The following NUBPL variants were observed in gnomAD, a reference collection of about 807,000 sequenced individuals.
The protein encoded by NUBPL is iron-sulfur cluster transfer protein NUBPL.
NUBPL carries 31 observed loss-of-function variants against 45.7 expected under a neutral mutation model. The observed-to-expected ratio is 0.68, with a 90% confidence interval of 0.51 to 0.92. The LOEUF (loss-of-function observed/expected upper bound fraction) is 0.92, where lower values mean the gene tolerates loss of function less well. Ranked by LOEUF, NUBPL falls within the 40% of genes least tolerant of loss-of-function variation. The pLI is 0.00. For missense variants in NUBPL, 401 were observed against 398.7 expected, an observed-to-expected ratio of 1.01 and a Z score of -0.05; for synonymous variants, 144 against 140.9, an observed-to-expected ratio of 1.02 and a Z score of -0.15.
intron 6 of NUBPL, among the ~76,000 whole-genome samples, chr14:31,701,218 T>C (rs1195856654): frequency 1.3e-5 from 2 of 151,846 alleles, no homozygotes; most frequent in Admixed American, 1.3e-4. Flanking sequence ...AGCTGAAGGT[T>C]TGTAAATGCA....
intron 6 of NUBPL, among the ~76,000 whole-genome samples, chr14:31,761,410 C>A (rs1157770338): frequency 1.3e-5 from 2 of 152,050 alleles, no homozygotes; most frequent in Non-Finnish European, 2.9e-5. Flanking sequence ...AAATATATAT[C>A]CTGTATAGAC....
intron 4 of NUBPL, among the ~76,000 whole-genome samples, chr14:31,627,080 G>A (rs2139650838): frequency 6.6e-6 from 1 of 152,276 alleles, no homozygotes; most frequent in Non-Finnish European, 1.5e-5. Flanking sequence ...TATGAACAAA[G>A]TACTTTAAAC....
At position 31,749,260 on chromosome 14, in the gene NUBPL, G is replaced by A. The variant is rs8005249; in HGVS notation, c.514-38520G>A. Among the ~76,000 whole-genome samples, 990 of 152,146 alleles carry A rather than the reference G, an allele frequency of 6.5e-3. 11 individuals are homozygous for A. The highest frequency in any genetic ancestry group is 0.022 in the African/African-American group (927 of 41,498). Reference sequence around the variant, plus strand: ...GTTGATGTCTGTAGTGATAAGGTTTGATTTCTCTCTTTTTCAGCTGTGTAT... The same window carrying A: ...GTTGATGTCTGTAGTGATAAGGTTTAATTTCTCTCTTTTTCAGCTGTGTAT... On this transcript the variant is annotated intron_variant, in intron 6 of 10. Coordinates refer to ENST00000281081, the MANE Select transcript of NUBPL (RefSeq NM_025152.3).
intron 6 of NUBPL, among the ~76,000 whole-genome samples, chr14:31,693,842 A>ATTT (rs774276607): frequency 8.2e-6 from 1 of 122,344 alleles, no homozygotes; most frequent in Non-Finnish European, 1.6e-5. Flanking sequence ...CATGAGGTAG[A>ATTT]TTTTCTTTTC....
intron 6 of NUBPL, among the ~76,000 whole-genome samples, chr14:31,674,405 A>G (rs924614522): frequency 2.0e-5 from 3 of 152,122 alleles, no homozygotes; most frequent in African/African-American, 7.2e-5. Context: ...TTTCACTATA[A>G]CATCTTGCCT....
intron 4 of NUBPL, among the ~76,000 whole-genome samples, chr14:31,622,458 T>C (rs912478527): frequency 2.0e-5 from 3 of 151,852 alleles, no homozygotes; most frequent in Admixed American, 2.0e-4. Flanking sequence ...GGGGAGAATT[T>C]CTCCAGAGAA....
intron 4 of NUBPL, among the ~76,000 whole-genome samples, chr14:31,601,728 G>C (rs2034439314): frequency 6.6e-6 from 1 of 152,146 alleles, no homozygotes; most frequent in Admixed American, 6.5e-5. Flanking sequence ...TCATTAAAAA[G>C]TCAGGAAACA....
intron 7 of NUBPL, among the ~76,000 whole-genome samples, chr14:31,809,449 G>A (rs1018119742): frequency 3.9e-5 from 6 of 152,132 alleles, no homozygotes; most frequent in Non-Finnish European, 5.9e-5. Flanking sequence ...ATTTCTATGG[G>A]ATTGGTGGTG....
intron 7 of NUBPL, among the ~76,000 whole-genome samples, chr14:31,820,786 TG>T (rs34679492): frequency 0.53 from 76,961 of 146,334 alleles, 21,768 homozygotes; most frequent in African/African-American, 0.77. Context: ...ATCGTGCCAT[TG>T]GCACTCCAGC....
chr14:31,630,942 T>G (rs2035325162), intron 4 of NUBPL, among the ~76,000 whole-genome samples: 1 of 152,136 alleles, frequency 6.6e-6, no homozygotes, highest in Admixed American at 6.6e-5. Context: ...GGGAGTTCTC[T>G]CTCTATGTCT....
At chr14:31,833,648 G>A (rs1356965960) in intron 8 of NUBPL, among the ~76,000 whole-genome samples, 1 of 152,188 alleles carries the variant, frequency 6.6e-6, no homozygotes, top group East Asian at 1.9e-4. Context: ...GAACAGGTGA[G>A]CAGAGTAGCC....
chr14:31,585,182 A>G (rs1452237559), intron 3 of NUBPL, among the ~76,000 whole-genome samples: 2 of 152,178 alleles, frequency 1.3e-5, no homozygotes, highest in African/African-American at 4.8e-5. Context: ...CATTGGAAGA[A>G]GAATTGTCTT....
intron 6 of NUBPL, among the ~76,000 whole-genome samples, chr14:31,755,468 A>G (rs531807956): frequency 2.3e-4 from 35 of 152,100 alleles, no homozygotes; most frequent in African/African-American, 8.0e-4. Context: ...GCATTTTTTC[A>G]TGTGTTTTTT....
intron 3 of NUBPL, among the ~76,000 whole-genome samples, chr14:31,570,245 T>C (rs1376156857): frequency 6.6e-6 from 1 of 152,196 alleles, no homozygotes; most frequent in Non-Finnish European, 1.5e-5. Flanking sequence ...ATTTTTTTGG[T>C]ATATAGTTGA....
At chr14:31,822,753 G>A (rs1260324938) in intron 7 of NUBPL, among the ~76,000 whole-genome samples, 2 of 152,080 alleles carry the variant, frequency 1.3e-5, no homozygotes, top group African/African-American at 4.8e-5. Flanking sequence ...TCCATGAAAT[G>A]TTTACATGCT....
At chr14:31,756,454 T>G (rs1050342224) in intron 6 of NUBPL, among the ~76,000 whole-genome samples, 1 of 152,088 alleles carries the variant, frequency 6.6e-6, no homozygotes, top group African/African-American at 2.4e-5. Context: ...TTTATTCTGT[T>G]TGAAGCAATT....
rs534040183 is a variant in NUBPL at position 31,856,665 on chromosome 14, C to T, written c.898-2453C>T. ...GCTGTTCTAAATGGGAGAAATTGGC[C>T]AAAACAAAGGGGCTACAGGCCCCAT... is the stretch of plus-strand genomic sequence containing the variant. On this transcript the variant is annotated intron_variant, in intron 10 of 10. Coordinates refer to ENST00000281081, the MANE Select transcript of NUBPL (RefSeq NM_025152.3). 2.7e-4 allele frequency among the ~76,000 whole-genome samples: 41 copies of T among 152,194 alleles called. No homozygotes were observed. In the South Asian group the frequency reaches 3.5e-3, roughly 13 times the overall value.
rs1265767313 is a variant in NUBPL at position 31,860,335 on chromosome 14, G to C, written c.*1155G>C. ...AAAAAAAAAAAAAAAAAAGTCGGGG[G>C]AGATGCAATATTTAGCATTTCCTCA... is the stretch of plus-strand genomic sequence containing the variant. On this transcript the variant is annotated 3_prime_UTR_variant, in exon 11 of 11. Coordinates refer to ENST00000281081, the MANE Select transcript of NUBPL (RefSeq NM_025152.3). 2.0e-5 allele frequency: 3 copies of C among 150,016 alleles called. No homozygotes were observed. The highest frequency in any genetic ancestry group is 4.4e-5 in the Non-Finnish European group (3 of 67,816). The allele number at this position is 150,016 out of a possible 1,614,324, so 9.3% of individuals were successfully genotyped here. A position where few individuals can be genotyped will look rare whatever the true frequency, so the allele number is the denominator to read the frequency against.
chr14:31,650,873 C>T (rs1395164520), intron 4 of NUBPL, among the ~76,000 whole-genome samples: 2 of 152,058 alleles, frequency 1.3e-5, no homozygotes, highest in Non-Finnish European at 2.9e-5. Context: ...CTAGTATATG[C>T]AGAGATCACA....
Sources: gnomAD v4.1 joint callset for allele counts (sites outside exome capture counted in the v4.1 genomes callset) on GRCh38, gnomAD v4.1.1 for gene constraint, MANE v1.5 for transcripts, NCBI Gene and HGNC (gene_info 2026-07-23, HGNC 2026-07-21) for gene names.